ATP2B3: variants seen among roughly 807,000 people sequenced by gnomAD.
ATP2B3 encodes plasma membrane calcium-transporting ATPase 3.
ATP2B3 carries 12 observed loss-of-function variants against 70.8 expected under a neutral mutation model. The ratio of observed to expected loss-of-function variants is 0.17; its 90% confidence interval spans 0.11 to 0.27. The LOEUF (loss-of-function observed/expected upper bound fraction) is 0.27. Ranked by LOEUF, ATP2B3 falls within the 10% of genes least tolerant of loss-of-function variation. ATP2B3 has a pLI of 1.00. For missense variants in ATP2B3, 858 were observed against 1,118.5 expected, an observed-to-expected ratio of 0.77 and a Z score of 3.32; for synonymous variants, 460 against 497.8, an observed-to-expected ratio of 0.92 and a Z score of 1.01.
intron 21 of ATP2B3, chrX:153,574,974 CA>C: frequency 3.5e-6 from 1 of 287,826 alleles, no homozygotes. Context: ...GCCAAGCCCA[CA>C]GCACTCAGCA....
At chrX:153,528,514 C>T (rs1184129677) in intron 2 of ATP2B3, among the ~76,000 whole-genome samples, 1 of 111,781 alleles carries the variant, frequency 8.9e-6, no homozygotes, top group Non-Finnish European at 1.9e-5. Flanking sequence ...AGGGAGGCCT[C>T]CTGGCTCTCC....
intron 2 of ATP2B3, among the ~76,000 whole-genome samples, chrX:153,534,642 ATG>A (rs1267286183): frequency 8.9e-6 from 1 of 112,818 alleles, no homozygotes; most frequent in Non-Finnish European, 1.9e-5. Flanking sequence ...CTCGGTGAAT[ATG>A]TGTCAGGTGA....
chrX:153,559,681 C>A (rs1557015316), intron 17 of ATP2B3, 48 bp from the exon 18 acceptor site: 1 of 1,162,180 alleles, frequency 8.6e-7, no homozygotes. Flanking sequence ...CACCCCCAAC[C>A]TTCCCGGGCA....
chrX:153,554,318 G>C (rs941704898), intron 13 of ATP2B3, among the ~76,000 whole-genome samples: 2 of 113,357 alleles, frequency 1.8e-5, no homozygotes, highest in African/African-American at 6.4e-5. Flanking sequence ...GAAGGAGAGG[G>C]TGCTGGTGAG....
chrX:153,564,412 G>A (rs1855718477), intron 20 of ATP2B3, among the ~76,000 whole-genome samples: 1 of 112,795 alleles, frequency 8.9e-6, no homozygotes, highest in African/African-American at 3.2e-5. Context: ...AGCTGTTAGT[G>A]TAGCCTACGG....
intron 2 of ATP2B3, among the ~76,000 whole-genome samples, chrX:153,535,036 G>A (rs2090170050): frequency 8.9e-6 from 1 of 112,921 alleles, no homozygotes; most frequent in Admixed American, 9.3e-5. Flanking sequence ...GTCAAGGCCA[G>A]GCCATGTGCA....
chrX:153,537,373 C>T (rs782734330), intron 3 of ATP2B3, among the ~76,000 whole-genome samples: 9 of 113,550 alleles, frequency 7.9e-5, no homozygotes, highest in South Asian at 3.5e-4. Context: ...ATCTGGGCAA[C>T]GCCTGGGCCC....
rs1186864517 is a variant in ATP2B3 at position 153,560,704 on chromosome X, G to A, written c.2868G>A (p.Gly956=). 3 of 1,210,373 alleles carry A rather than the reference G, an allele frequency of 2.5e-6. No homozygotes were observed. The highest frequency in any genetic ancestry group is 5.9e-5 in the East Asian group (2 of 33,795). The change falls in exon 19 of 22, where the codon GGG becomes GGA. Residue 956 remains glycine (G), a synonymous_variant. Transcript: ENST00000263519. ...VGELFFDIDS[G]RNAPLHSPPS... The stretch of plus-strand genomic sequence containing the variant: ...AGCTCTTCTTCGACATCGACAGCGG[G>A]AGGAATGCGCCCCTGCACTCGCCAC...
intron 2 of ATP2B3, among the ~76,000 whole-genome samples, chrX:153,522,389 G>A (rs1556998114): frequency 8.9e-6 from 1 of 112,375 alleles, no homozygotes; most frequent in Non-Finnish European, 1.9e-5. Context: ...CCGGGAGGAT[G>A]GACTGAGGCC....
chrX:153,546,969 G>T (rs1005889394), intron 8 of ATP2B3, among the ~76,000 whole-genome samples: 37 of 112,358 alleles, frequency 3.3e-4, no homozygotes, highest in Non-Finnish European at 6.0e-4. Context: ...AGGAGCCGTG[G>T]CGAATGGCCT....
chrX:153,539,625 A>G (rs2090249283), intron 3 of ATP2B3, among the ~76,000 whole-genome samples: 1 of 113,139 alleles, frequency 8.8e-6, no homozygotes, highest in Admixed American at 9.2e-5. Flanking sequence ...GCGTGAGCCC[A>G]GCTGCCCAGG....
chrX:153,555,939 CCTCTGCTGGACCTTGG>C (rs1437810944), intron 13 of ATP2B3, 94 bp from the exon 14 acceptor site: 34 of 911,670 alleles, frequency 3.7e-5, no homozygotes, highest in Non-Finnish European at 5.2e-5. Context: ...TTTACTCTCA[CCTCTGCTGGACCTTGG>C]GCCACCTGCA....
At chrX:153,560,081 A>C (rs1355591506) in intron 18 of ATP2B3, 139 bp downstream of exon 18, 1 of 665,249 alleles carries the variant, frequency 1.5e-6, no homozygotes, top group African/African-American at 2.2e-5. Context: ...ACTGGACAGC[A>C]CACAGGGGAA....
chrX:153,562,315 C>T, intron 20 of ATP2B3, 73 bp downstream of exon 20: 1 of 997,525 alleles, frequency 1.0e-6, no homozygotes, highest in Non-Finnish European at 1.4e-6. Flanking sequence ...CTTGCCCTAA[C>T]CCTGCTTCAG....
At position 153,520,864 on chromosome X, in the gene ATP2B3, C is replaced by T. The variant is rs181668971; in HGVS notation, c.-127+2313C>T. 8.0e-5 allele frequency among the ~76,000 whole-genome samples: 9 copies of T among 112,596 alleles called. No individual in the cohort carries two copies. In the East Asian group the frequency reaches 2.2e-3, roughly 28 times the overall value. On this transcript the variant is annotated intron_variant, in intron 2 of 21. Transcript: ENST00000263519. ...TACTCCCAGCCTTGTGGGCTGAAGCCGGGGATTCTTGGGAAGACCTTGCAG... is the reference window on the plus strand; with the variant it reads ...TACTCCCAGCCTTGTGGGCTGAAGCTGGGGATTCTTGGGAAGACCTTGCAG...
chrX:153,551,006 TC>T (rs200912366), intron 12 of ATP2B3, among the ~76,000 whole-genome samples: 3,587 of 112,397 alleles, frequency 0.032, 61 homozygotes, highest in Middle Eastern at 0.06. Flanking sequence ...AGCACGTGAG[TC>T]GTTTCCACCT....
chrX:153,550,989 G>A (rs5945138), intron 12 of ATP2B3, among the ~76,000 whole-genome samples: 50,984 of 110,741 alleles, frequency 0.46, 9,196 homozygotes, highest in South Asian at 0.68. Flanking sequence ...CTACCAGCAC[G>A]TCTACCAGCA....
At chrX:153,556,769 G>A (rs1001956299) in intron 15 of ATP2B3, 148 bp from the exon 16 acceptor site, 19 of 554,500 alleles carry the variant, frequency 3.4e-5, no homozygotes, top group East Asian at 1.8e-4. Flanking sequence ...TCCAGGTGAC[G>A]GGGAGCACAG....
In ATP2B3 at chrX:153,541,541, G is replaced by A. The variant is rs2090281340; in HGVS notation, c.391G>A (p.Gly131Arg). Residue 131 changes from glycine to arginine, a missense_variant, in exon 4 of 22, where the codon GGA becomes AGA. By Grantham distance (125) the Gly-to-Arg change is moderately radical. Transcript: ENST00000263519. ...SLGLSFYAPP[G>R]EESEACGNVS... ...GGGCCTCTCGTTCTATGCGCCGCCA[G>A]GAGAGGAGAGTGAAGGTAAGGCCCG... 8.3e-7 allele frequency: 1 copy of A among 1,209,692 alleles called. No homozygotes were observed. Among genetic ancestry groups the A allele is most frequent in the Non-Finnish European group, 1.1e-6 (1 of 895,158 alleles).
Sources: gnomAD v4.1 joint callset for allele counts (sites outside exome capture counted in the v4.1 genomes callset) on GRCh38, gnomAD v4.1.1 for gene constraint, MANE v1.5 for transcripts, NCBI Gene and HGNC (gene_info 2026-07-23, HGNC 2026-07-21) for gene names.